Variants in SHANK2 observed in about 807,000 individuals in gnomAD.
SHANK2 encodes the protein SH3 and multiple ankyrin repeat domains 2.
In SHANK2, 43 loss-of-function variants were observed where a neutral mutation model predicts 133.7. That is an observed-to-expected ratio of 0.32 (90% CI 0.25 to 0.41). The LOEUF (loss-of-function observed/expected upper bound fraction) is 0.41, where lower values mean the gene tolerates loss of function less well. Ranked by LOEUF, SHANK2 falls within the 10% of genes least tolerant of loss-of-function variation. The pLI is 1.00. For synonymous variants in SHANK2, 1,017 were observed against 952.8 expected (o/e 1.07, Z -1.24); for missense variants, 1,994 against 2,235.8 (o/e 0.89, Z 2.18).
chr11:70,905,616 C>A (rs1950089987), intron 10 of SHANK2, among the ~76,000 whole-genome samples: 2 of 152,032 alleles, frequency 1.3e-5, no homozygotes, highest in Admixed American at 6.6e-5. Context: ...GAGATTAGTG[C>A]CCTTGGAAAA....
At chr11:70,771,854 T>A (rs1476726309) in intron 14 of SHANK2, among the ~76,000 whole-genome samples, 1 of 152,196 alleles carries the variant, frequency 6.6e-6, no homozygotes, top group Non-Finnish European at 1.5e-5. Flanking sequence ...GACTCCAGAA[T>A]CTGCCCCTGG....
intron 11 of SHANK2, among the ~76,000 whole-genome samples, chr11:70,848,326 G>A (rs1338620179): frequency 6.6e-6 from 1 of 152,210 alleles, no homozygotes; most frequent in Non-Finnish European, 1.5e-5. Flanking sequence ...CAGGAATTGT[G>A]GGGTGGGGGG....
intron 8 of SHANK2, among the ~76,000 whole-genome samples, chr11:71,088,255 C>A (rs1300846626): frequency 6.6e-6 from 1 of 152,168 alleles, no homozygotes; most frequent in Non-Finnish European, 1.5e-5. Context: ...TGCAGCTCCA[C>A]CACTGCATGA....
intron 11 of SHANK2, among the ~76,000 whole-genome samples, chr11:70,825,937 T>TA (rs1948630783): frequency 6.6e-6 from 1 of 152,198 alleles, no homozygotes; most frequent in South Asian, 2.1e-4. Flanking sequence ...TTCCCCACAA[T>TA]AAAAATTACA....
intron 8 of SHANK2, among the ~76,000 whole-genome samples, chr11:71,088,396 G>A (rs1358394689): frequency 6.6e-6 from 1 of 152,188 alleles, no homozygotes; most frequent in Non-Finnish European, 1.5e-5. Context: ...ACAACATTGA[G>A]TGGTTTCTAT....
chr11:71,168,536 T>C (rs1195872998), intron 2 of SHANK2, among the ~76,000 whole-genome samples: 2 of 151,960 alleles, frequency 1.3e-5, no homozygotes, highest in Non-Finnish European at 2.9e-5. Context: ...CTGGGCACCA[T>C]TGAGCACGGA....
At chr11:70,923,148 A>C (rs1555080972) in intron 10 of SHANK2, among the ~76,000 whole-genome samples, 3 of 152,224 alleles carry the variant, frequency 2.0e-5, no homozygotes, top group Non-Finnish European at 2.9e-5. Context: ...AGAAATTTGC[A>C]GTTGCATGGT....
chr11:70,760,600 T>C (rs566450514), intron 14 of SHANK2, among the ~76,000 whole-genome samples: 1 of 152,340 alleles, frequency 6.6e-6, no homozygotes, highest in South Asian at 2.1e-4. Context: ...GGGGCCAGCA[T>C]TCAGCCTGAC....
chr11:71,149,773 GATGGATGGATGA>G (rs1214156084), intron 2 of SHANK2, among the ~76,000 whole-genome samples: 5 of 143,712 alleles, frequency 3.5e-5, no homozygotes, highest in Non-Finnish European at 6.1e-5. Flanking sequence ...GAGGTAGATG[GATGGATGGATGA>G]ATGGATGGAT....
intron 9 of SHANK2, among the ~76,000 whole-genome samples, chr11:71,068,061 T>A (rs1432182019): frequency 1.3e-5 from 2 of 150,902 alleles, no homozygotes; most frequent in African/African-American, 4.9e-5. Flanking sequence ...ATCATCACCA[T>A]CACAACCATC....
intron 10 of SHANK2, among the ~76,000 whole-genome samples, chr11:70,926,601 A>G (rs1182074200): frequency 6.6e-6 from 1 of 152,206 alleles, no homozygotes; most frequent in Non-Finnish European, 1.5e-5. Context: ...TCCATACAGC[A>G]AAACCACCAA....
At chr11:71,251,844 G>A (rs1591053634) in intron 1 of SHANK2, among the ~76,000 whole-genome samples, 2 of 151,600 alleles carry the variant, frequency 1.3e-5, no homozygotes, top group African/African-American at 2.4e-5. Flanking sequence ...CGCGCGCCTG[G>A]ATGGGAGCTC....
intron 10 of SHANK2, among the ~76,000 whole-genome samples, chr11:70,939,230 G>A (rs534916355): frequency 4.6e-5 from 7 of 152,238 alleles, no homozygotes; most frequent in African/African-American, 1.7e-4. Context: ...GCTCCAACAT[G>A]TTGGGAGGCC....
At chr11:70,483,383 G>T (rs2058760515) in intron 25 of SHANK2, among the ~76,000 whole-genome samples, 1 of 152,058 alleles carries the variant, frequency 6.6e-6, no homozygotes, top group Non-Finnish European at 1.5e-5. Context: ...TATGTAATGG[G>T]GAAGGGTTAA....
chr11:70,867,687 C>T (rs1399625145), intron 11 of SHANK2, among the ~76,000 whole-genome samples: 5 of 152,190 alleles, frequency 3.3e-5, no homozygotes, highest in Admixed American at 6.5e-5. Flanking sequence ...CCACGTCTCA[C>T]CCCAATAAAA....
rs368017378 is a variant in SHANK2, at chr11:70,488,861, G to C, written c.2572+467C>G. ...GCTGAGGTCCTACGACAGCCAGCAG[G>C]GTGGCCTGAGGGTTCTCTGGGTGTG... On this transcript the variant is annotated intron_variant, in intron 24 of 25. Transcript: ENST00000601538. 3.4e-4 allele frequency among the ~76,000 whole-genome samples: 52 copies of C among 152,336 alleles called. No individual in the cohort carries two copies. In the South Asian group the frequency reaches 5.0e-3, roughly 15 times the overall value.
chr11:70,809,193 C>T (rs1408809933), intron 12 of SHANK2, among the ~76,000 whole-genome samples: 1 of 152,210 alleles, frequency 6.6e-6, no homozygotes, highest in Admixed American at 6.5e-5. Flanking sequence ...GGGAAAGTGT[C>T]CACCTGCGGC....
At chr11:70,719,167 T>A (rs1179006518) in intron 14 of SHANK2, among the ~76,000 whole-genome samples, 4 of 152,060 alleles carry the variant, frequency 2.6e-5, no homozygotes, top group Non-Finnish European at 5.9e-5. Flanking sequence ...TAGCGTGGGG[T>A]GTAACTCACT....
chr11:70,572,284 T>G (rs150846957), intron 17 of SHANK2, among the ~76,000 whole-genome samples: 5,950 of 152,300 alleles, frequency 0.039, 193 homozygotes, highest in Middle Eastern at 0.11. Context: ...CTCAGCCTCC[T>G]GAGTAGCTGG....
Sources: gnomAD v4.1 joint callset for allele counts (sites outside exome capture counted in the v4.1 genomes callset) on GRCh38, gnomAD v4.1.1 for gene constraint, MANE v1.5 for transcripts, NCBI Gene and HGNC (gene_info 2026-07-23, HGNC 2026-07-21) for gene names.